The following ESR2 variants were observed in gnomAD, a reference collection of about 807,000 sequenced individuals.
ESR2 encodes estrogen receptor 2.
A neutral mutation model predicts 49.6 loss-of-function variants in ESR2; 36 were observed. That is an observed-to-expected ratio of 0.73 (90% CI 0.56 to 0.96). The LOEUF (loss-of-function observed/expected upper bound fraction) is 0.96, where lower values mean the gene tolerates loss of function less well. Ranked by LOEUF, ESR2 falls within the 40% of genes least tolerant of loss-of-function variation. ESR2 has a pLI of 0.00. For missense variants in ESR2, 714 were observed against 693.0 expected, an observed-to-expected ratio of 1.03 and a Z score of -0.34; for synonymous variants, 320 against 266.1, an observed-to-expected ratio of 1.20 and a Z score of -1.97.
At chr14:64,336,424 G>A (rs896891653) in intron 1 of ESR2, 2 of 152,038 alleles carry the variant, frequency 1.3e-5, no homozygotes, top group African/African-American at 4.8e-5. Context: ...TTACAAACAG[G>A]CCATTCTCAG....
intron 1 of ESR2, among the ~76,000 whole-genome samples, chr14:64,314,698 C>A (rs555820450): frequency 6.7e-6 from 1 of 149,060 alleles, no homozygotes; most frequent in Admixed American, 6.7e-5. Context: ...GCCAACATGG[C>A]GAAACTCCAT....
upstream of ESR2, among the ~76,000 whole-genome samples, chr14:64,297,232 G>A (rs1001893317): frequency 2.0e-5 from 3 of 152,140 alleles, no homozygotes; most frequent in African/African-American, 7.2e-5. Flanking sequence ...TTAAAATTAA[G>A]TCATGTTATA....
chr14:64,328,701 T>G (rs2077418753), intron 1 of ESR2, among the ~76,000 whole-genome samples: 1 of 152,178 alleles, frequency 6.6e-6, no homozygotes, highest in African/African-American at 2.4e-5. Context: ...AACATCTGTT[T>G]TGGATGAGGG....
At chr14:64,330,925 G>C (rs957742023) in intron 1 of ESR2, 4 of 102,614 alleles carry the variant, frequency 3.9e-5, no homozygotes, top group African/African-American at 1.3e-4. Context: ...ACTCCATCTT[G>C]ACAAAAAAAA....
chr14:64,269,612 G>A (rs1168080149), intron 3 of ESR2, among the ~76,000 whole-genome samples: 2 of 152,134 alleles, frequency 1.3e-5, no homozygotes, highest in African/African-American at 4.8e-5. Context: ...CTCCTGTGAG[G>A]TAGCCACTGG....
intron 1 of ESR2, among the ~76,000 whole-genome samples, chr14:64,284,979 A>G (rs1490184974): frequency 2.0e-5 from 3 of 151,692 alleles, no homozygotes; most frequent in Non-Finnish European, 4.4e-5. Context: ...CATCCCGAGT[A>G]GCTGGGATTA....
intron 8 of ESR2, chr14:64,233,799 AC>A (rs1204639718): frequency 6.4e-6 from 1 of 156,148 alleles, no homozygotes; most frequent in Admixed American, 6.2e-5. Flanking sequence ...TATAACTCAC[AC>A]CCGAGCAAAG....
rs1338144298 is a variant in ESR2, at chr14:64,231,470, G to A, written c.*1667C>T. 1 of 152,198 alleles carries A rather than the reference G, an allele frequency of 6.6e-6. No individual in the cohort carries two copies. The highest frequency in any genetic ancestry group is 1.5e-5 in the Non-Finnish European group (1 of 68,030). The allele number at this position is 152,198 out of a possible 1,614,324, so 9.4% of individuals were successfully genotyped here. ...GAGTCTCTAAGAATAACTTCAGACT[G>A]CCTCAGAACACAGACATCAGTGTGT... On this transcript the variant is annotated 3_prime_UTR_variant, in exon 9 of 9. Transcript: ENST00000341099.
In ESR2 at chr14:64,230,163, C is replaced by T. The variant is rs2098725872; in HGVS notation, c.*2974G>A. Among the ~76,000 whole-genome samples, 2 of 147,478 alleles carry T rather than the reference C, an allele frequency of 1.4e-5. No homozygotes were observed. Among genetic ancestry groups the T allele is most frequent in the African/African-American group, 5.1e-5 (2 of 39,448 alleles). The stretch of plus-strand genomic sequence containing the variant: ...AGTGAGCCATGATGGCGCCACTGCA[C>T]TCTAGCCTGAGCAACAGGAGTCAGA... On this transcript the variant is annotated 3_prime_UTR_variant, in exon 9 of 9. Transcript: ENST00000341099.
chr14:64,282,538 C>A, intron 2 of ESR2, 86 bp downstream of exon 2: 1 of 1,372,210 alleles, frequency 7.3e-7, no homozygotes, highest in South Asian at 1.4e-5. Context: ...AAGACCTTGT[C>A]TAACATATTA....
At chr14:64,237,823 G>A (rs58126300) in intron 7 of ESR2, among the ~76,000 whole-genome samples, 11,382 of 152,236 alleles carry the variant, frequency 0.075, 528 homozygotes, top group Non-Finnish European at 0.095. Context: ...GTCTAGAATA[G>A]GCAAATCCAT....
rs149615669 is a variant in ESR2 at position 64,228,877 on chromosome 14, C to T, written c.*4260G>A. Among the ~76,000 whole-genome samples the T allele has an allele frequency of 2.0e-5, 3 of 152,332 alleles. No individual in the cohort carries two copies. Among genetic ancestry groups the T allele is most frequent in the Non-Finnish European group, 4.4e-5 (3 of 68,032 alleles). On this transcript the variant is annotated 3_prime_UTR_variant, in exon 9 of 9. Transcript: ENST00000341099. ...ACGATCATACATCACAGACAATGCA[C>T]ATCTTAAGAGCTGCCACTGGAGCCA...
At chr14:64,329,127 G>A (rs989944237) in intron 1 of ESR2, among the ~76,000 whole-genome samples, 18 of 152,060 alleles carry the variant, frequency 1.2e-4, no homozygotes, top group Admixed American at 1.1e-3. Flanking sequence ...AACACTAAAG[G>A]ATCAGAAAGA....
chr14:64,338,591 C>T (rs2077561179), upstream of ESR2: 2 of 149,460 alleles, frequency 1.3e-5, no homozygotes, highest in Admixed American at 6.7e-5. Context: ...ATCCGGGAGA[C>T]TCGCCGCCCG....
rs2098726042 is a variant in ESR2 at position 64,230,366 on chromosome 14, C to T, written c.*2771G>A. Among the ~76,000 whole-genome samples the T allele has an allele frequency of 6.6e-6, 1 of 152,198 alleles. No individual in the cohort carries two copies. Among genetic ancestry groups the T allele is most frequent in the Admixed American group, 6.5e-5 (1 of 15,278 alleles). On this transcript the variant is annotated 3_prime_UTR_variant, in exon 9 of 9. Transcript: ENST00000341099. Reference sequence around the variant, plus strand: ...GAAAATTCTAGAATTGCTTCAATTCCACTTATATACATAAATATATATGGA... The same window carrying T: ...GAAAATTCTAGAATTGCTTCAATTCTACTTATATACATAAATATATATGGA...
At chr14:64,283,466 A>T (rs991578960) in intron 1 of ESR2, among the ~76,000 whole-genome samples, 3 of 152,178 alleles carry the variant, frequency 2.0e-5, no homozygotes, top group African/African-American at 7.2e-5. Context: ...CAATATTAAA[A>T]TACGCTATGA....
At chr14:64,302,304 G>A (rs1199579766) in intron 1 of ESR2, among the ~76,000 whole-genome samples, 2 of 150,786 alleles carry the variant, frequency 1.3e-5, no homozygotes, top group African/African-American at 4.9e-5. Flanking sequence ...CTCCTGCCTC[G>A]GCCTCCCAAA....
Position 64,337,859 on chromosome 14 carries a change from C to G in ESR2, c.-91+39G>C, listed in dbSNP as rs961211503. 3 of 152,184 alleles carry G rather than the reference C, an allele frequency of 2.0e-5. 1 individual carries two copies. The highest frequency in any genetic ancestry group is 4.4e-5 in the Non-Finnish European group (3 of 68,032). The allele number at this position is 152,184 out of a possible 1,614,324, so 9.4% of individuals were successfully genotyped here. A position where few individuals can be genotyped will look rare whatever the true frequency, so the allele number is the denominator to read the frequency against. ...TCAGAAACGGCTTGTAAAAGAAACC[C>G]GGTATCTGGTCAAGTCCTAAGTGAC... On this transcript the variant is annotated intron_variant, in intron 1 of 8. Transcript: ENST00000358599.
At chr14:64,282,155 C>T (rs2076683208) in intron 2 of ESR2, among the ~76,000 whole-genome samples, 1 of 152,176 alleles carries the variant, frequency 6.6e-6, no homozygotes, top group African/African-American at 2.4e-5. Context: ...ACCAGCCTAG[C>T]CAACATGGTG....
Sources: gnomAD v4.1 joint callset for allele counts (sites outside exome capture counted in the v4.1 genomes callset) on GRCh38, gnomAD v4.1.1 for gene constraint, MANE v1.5 for transcripts, NCBI Gene and HGNC (gene_info 2026-07-23, HGNC 2026-07-21) for gene names.